The following PDZK1 variants were observed in gnomAD, a reference collection of about 807,000 sequenced individuals.
PDZK1 encodes Na(+)/H(+) exchange regulatory cofactor NHE-RF3.
PDZK1 carries 23 observed loss-of-function variants against 38.1 expected under a neutral mutation model. The observed-to-expected ratio is 0.60, with a 90% confidence interval of 0.43 to 0.85. The LOEUF is 0.85. Ranked by LOEUF, PDZK1 falls within the 40% of genes least tolerant of loss-of-function variation. The pLI is 0.00. For synonymous variants in PDZK1, 98 were observed against 186.2 expected, an observed-to-expected ratio of 0.53 and a Z score of 3.86; for missense variants, 297 against 504.3, an observed-to-expected ratio of 0.59 and a Z score of 3.94.
At chr1:145,702,448 G>A (rs1291490539) in intron 1 of PDZK1, among the ~76,000 whole-genome samples, 3 of 151,772 alleles carry the variant, frequency 2.0e-5, no homozygotes, top group African/African-American at 7.3e-5. Flanking sequence ...TCCCCAAATC[G>A]ACATTTTGTG....
intron 1 of PDZK1, among the ~76,000 whole-genome samples, chr1:145,704,937 C>T (rs1178665209): frequency 6.6e-6 from 1 of 152,194 alleles, no homozygotes; most frequent in Non-Finnish European, 1.5e-5. Flanking sequence ...TGCATCTATT[C>T]TTCTAGCTCC....
chr1:145,692,565 G>A (rs2101916118), intron 1 of PDZK1, among the ~76,000 whole-genome samples: 1 of 151,962 alleles, frequency 6.6e-6, no homozygotes, highest in African/African-American at 2.4e-5. Context: ...ACAAAAATTA[G>A]CCAAGTATGG....
At chr1:145,702,944 C>T (rs1336494736) in intron 1 of PDZK1, among the ~76,000 whole-genome samples, 2 of 152,142 alleles carry the variant, frequency 1.3e-5, no homozygotes, top group Non-Finnish European at 2.9e-5. Context: ...TCAGCATAAT[C>T]CAGCCCTACC....
intron 3 of PDZK1, among the ~76,000 whole-genome samples, chr1:145,684,564 C>A (rs1462321310): frequency 6.6e-6 from 1 of 152,132 alleles, no homozygotes; most frequent in Non-Finnish European, 1.5e-5. Context: ...GGGTGTGTGT[C>A]ATATTTTGAT....
chr1:145,686,453 C>T, intron 3 of PDZK1, 24 bp downstream of exon 3: 1 of 1,608,410 alleles, frequency 6.2e-7, no homozygotes, highest in Non-Finnish European at 8.5e-7. Flanking sequence ...CCCTGCCTCC[C>T]CCTGCTCCCC....
chr1:145,679,138 T>G (rs1248494286), intron 5 of PDZK1, among the ~76,000 whole-genome samples: 2 of 151,714 alleles, frequency 1.3e-5, no homozygotes, highest in Non-Finnish European at 2.9e-5. Flanking sequence ...CCATGTGCTT[T>G]GGCCTTCTGG....
At chr1:145,676,108 C>G in intron 6 of PDZK1, 1 of 541,296 alleles carries the variant, frequency 1.8e-6, no homozygotes, top group East Asian at 1.5e-4. Flanking sequence ...GTGTTTTACT[C>G]ACTGATGTAT....
At chr1:145,697,448 G>C (rs1655691823) in intron 1 of PDZK1, among the ~76,000 whole-genome samples, 1 of 152,116 alleles carries the variant, frequency 6.6e-6, no homozygotes, top group Non-Finnish European at 1.5e-5. Context: ...ACTAAAAGAA[G>C]AATTTTAAGA....
chr1:145,675,229 G>A (rs1394278854), intron 6 of PDZK1, among the ~76,000 whole-genome samples: 1 of 148,744 alleles, frequency 6.7e-6, no homozygotes, highest in Non-Finnish European at 1.5e-5. Flanking sequence ...AGAATTACAA[G>A]CCTAACTGGC....
Position 145,672,892 on chromosome 1 carries a change from C to G in PDZK1, c.1344G>C (p.Lys448Asn). The change falls in exon 8 of 9, where the codon AAG becomes AAC. Residue 448 changes from lysine (K) to asparagine (N), a missense_variant. Lys to Asn is a moderately conservative substitution (Grantham distance 94, BLOSUM62 0). Coordinates refer to ENST00000417171, the MANE Select transcript of PDZK1 (RefSeq NM_001201325.2). The part of the protein sequence containing the change: ...KVVDRIQSSG[K>N]NVTLLVCGKK... ...TTCCACAGACTAGAAGTGTGACATT[C>G]TTCCCACTGCTCTGGATTCTATCCA... 1 of 1,607,880 alleles carries G rather than the reference C, an allele frequency of 6.2e-7. No homozygotes were observed. Among genetic ancestry groups the G allele is most frequent in the South Asian group, 1.1e-5 (1 of 90,834 alleles).
chr1:145,695,378 T>A (rs1655570479), intron 1 of PDZK1, among the ~76,000 whole-genome samples: 1 of 151,274 alleles, frequency 6.6e-6, no homozygotes, highest in African/African-American at 2.4e-5. Context: ...GCCGAGACAG[T>A]GCACTGAACT....
intron 1 of PDZK1, 81 bp from the exon 2 acceptor site, chr1:145,688,104 A>C: frequency 8.2e-7 from 1 of 1,216,644 alleles, no homozygotes; most frequent in Non-Finnish European, 1.2e-6. Flanking sequence ...CATCTCCTAT[A>C]ATTCTGTTCT....
chr1:145,687,824 T>G lies in PDZK1; in HGVS notation c.198A>C (p.Glu66Asp). ...ATGTCTCATTCACCTGCATATGTTC[T>G]TCTTTGTCCACAAAGACACCATTGA... ...LRINGVFVDK[E>D]EHMQVVDLVR... is the part of the protein sequence containing the mutation. Residue 66 changes from glutamate to aspartate, a missense_variant, in exon 2 of 9, where the codon GAA (glutamate) becomes GAC (aspartate). Around this residue, in one of 5 missense-constraint regions of PDZK1, gnomAD observed 159 missense variants for 200.0 expected, o/e 0.79. Coordinates refer to ENST00000417171, the MANE Select transcript of PDZK1 (RefSeq NM_001201325.2). 2 of 1,612,670 alleles carry G rather than the reference T, an allele frequency of 1.2e-6. No individual in the cohort carries two copies. Among genetic ancestry groups the G allele is most frequent in the Non-Finnish European group, 1.7e-6 (2 of 1,178,656 alleles).
chr1:145,681,391 TC>T lies in PDZK1; in HGVS notation c.598-285del, dbSNP rs1446218370. Among the ~76,000 whole-genome samples, 2 of 148,496 alleles carry T rather than the reference TC, an allele frequency of 1.3e-5. 1 individual carries two copies. The highest frequency in any genetic ancestry group is 5.2e-5 in the African/African-American group (2 of 38,344). On this transcript the variant is annotated intron_variant, in intron 4 of 8. Transcript: ENST00000417171. ...TCTGCCTCCCGGGTTCACGCCATTCTCCTGCCTCAGCCTCCCGAGTACCTGG... is the reference window on the plus strand; with the variant it reads ...TCTGCCTCCCGGGTTCACGCCATTCTCTGCCTCAGCCTCCCGAGTACCTGG...
chr1:145,694,819 C>G (rs1655520259), intron 1 of PDZK1, among the ~76,000 whole-genome samples: 1 of 145,214 alleles, frequency 6.9e-6, no homozygotes, highest in Non-Finnish European at 1.5e-5. Context: ...ATCGCTTGAA[C>G]CCGGGAGGTG....
At chr1:145,692,596 A>G (rs1295289169) in intron 1 of PDZK1, among the ~76,000 whole-genome samples, 1 of 151,992 alleles carries the variant, frequency 6.6e-6, no homozygotes, top group African/African-American at 2.4e-5. Flanking sequence ...CTGTAATCCC[A>G]ACTACTCGGG....
chr1:145,695,058 A>T lies in PDZK1; in HGVS notation c.-2-7035T>A, dbSNP rs78548739. 1.1e-3 allele frequency among the ~76,000 whole-genome samples: 166 copies of T among 152,248 alleles called. 3 individuals are homozygous for T. The East Asian group carries it at 0.029, about 27-fold the overall frequency. ...TTAACAACATATGGATGACATTTCA[A>T]CAAGTGCAGAAGAAGGACGAGACCA... is the stretch of plus-strand genomic sequence containing the variant. On this transcript the variant is annotated intron_variant, in intron 1 of 8. Coordinates refer to ENST00000417171, the MANE Select transcript of PDZK1 (RefSeq NM_001201325.2).
rs587649692 is a variant in PDZK1 at position 145,673,029 on chromosome 1, A to C, written c.1216-9T>G. 6.4e-6 allele frequency: 9 copies of C among 1,414,128 alleles called. No individual in the cohort carries two copies. Among genetic ancestry groups the C allele is most frequent in the Non-Finnish European group, 9.0e-6 (9 of 1,003,332 alleles). 87.6% of individuals were successfully genotyped at this position (1,414,128 alleles called of 1,614,324 possible). ...GGACCGCCCTTCTGTACCTGTGAAC[A>C]GAAGTTCTGAGTTATCAATTTCAAA... On this transcript the variant is annotated splice_polypyrimidine_tract_variant and intron_variant, in intron 7 of 8. Coordinates refer to ENST00000417171, the MANE Select transcript of PDZK1 (RefSeq NM_001201325.2).
chr1:145,694,895 C>CAAAAAAAAAAAA (rs10657290), intron 1 of PDZK1, among the ~76,000 whole-genome samples: 2 of 39,794 alleles, frequency 5.0e-5, no homozygotes, highest in Non-Finnish European at 1.1e-4. Flanking sequence ...GACTCTGTCT[C>CAAAAAAAAAAAA]AAAAAAAAAA....
Sources: gnomAD v4.1 joint callset for allele counts (sites outside exome capture counted in the v4.1 genomes callset) on GRCh38, gnomAD v4.1.1 for gene constraint, gnomAD v4.1.1 regional missense constraint, MANE v1.5 for transcripts, NCBI Gene and HGNC (gene_info 2026-07-23, HGNC 2026-07-21) for gene names.